Variants in CARNMT1 observed in about 807,000 individuals in gnomAD.
The protein encoded by CARNMT1 is carnosine N-methyltransferase 1.
CARNMT1 carries 28 observed loss-of-function variants against 49.6 expected under a neutral mutation model. The observed-to-expected ratio is 0.56, with a 90% CI of 0.42 to 0.77. CARNMT1 has a LOEUF of 0.77. CARNMT1 is among the 30% of genes least tolerant of loss of function. The pLI is 0.00. For missense variants in CARNMT1, 421 were observed against 512.6 expected (o/e 0.82, Z 1.73); for synonymous variants, 178 against 175.0 (o/e 1.02, Z -0.13).
chr9:74,985,053 C>G, intron 6 of CARNMT1, 43 bp from the exon 7 acceptor site: 8 of 1,359,600 alleles, frequency 5.9e-6, no homozygotes, highest in Non-Finnish European at 8.4e-6. Flanking sequence ...TATAAACATA[C>G]ACTCATAGCT....
At chr9:75,020,135 A>G (rs375480241) in intron 1 of CARNMT1, among the ~76,000 whole-genome samples, 15 of 152,168 alleles carry the variant, frequency 9.9e-5, no homozygotes, top group Admixed American at 2.6e-4. Context: ...TAGGTGATTT[A>G]TAAGTGTTCA....
In CARNMT1 at chr9:75,016,208, T is replaced by C. The variant is rs962941520; in HGVS notation, c.590+60A>G. 4 of 1,271,138 alleles carry C rather than the reference T, an allele frequency of 3.1e-6. No homozygotes were observed. The Admixed American group carries it at 7.9e-5, about 25-fold the overall frequency. 78.7% of individuals were successfully genotyped at this position (1,271,138 alleles called of 1,614,324 possible). Reference sequence around the variant, plus strand: ...TGAAGCGAGACTGTGAAACATTTTATCAAGAAACTCAAGTGTTCATACACT... The same window carrying C: ...TGAAGCGAGACTGTGAAACATTTTACCAAGAAACTCAAGTGTTCATACACT... On this transcript the variant is annotated intron_variant, in intron 3 of 7. Coordinates refer to ENST00000376834, the MANE Select transcript of CARNMT1 (RefSeq NM_152420.3).
chr9:74,995,138 T>C (rs1833148770), intron 6 of CARNMT1, among the ~76,000 whole-genome samples: 1 of 152,140 alleles, frequency 6.6e-6, no homozygotes, highest in Non-Finnish European at 1.5e-5. Flanking sequence ...AACTCAGTAA[T>C]GGGGGTCAAA....
intron 3 of CARNMT1, among the ~76,000 whole-genome samples, chr9:75,014,901 A>AT (rs1166309615): frequency 6.6e-6 from 1 of 152,038 alleles, no homozygotes; most frequent in Non-Finnish European, 1.5e-5. Context: ...AAAGAGAGAG[A>AT]AGAGACACAT....
At chr9:75,018,539 TG>T (rs1833915476) in intron 1 of CARNMT1, among the ~76,000 whole-genome samples, 1 of 152,188 alleles carries the variant, frequency 6.6e-6, no homozygotes, top group South Asian at 2.1e-4. Context: ...GCAACCACTT[TG>T]GAAAATTAAA....
intron 1 of CARNMT1, among the ~76,000 whole-genome samples, chr9:75,019,824 G>C (rs758530323): frequency 1.3e-5 from 2 of 152,170 alleles, no homozygotes; most frequent in Non-Finnish European, 2.9e-5. Flanking sequence ...CACTTTGTCA[G>C]GGTTGTTTGA....
intron 5 of CARNMT1, 34 bp downstream of exon 5, chr9:74,998,564 G>T (rs1833263892): frequency 6.7e-7 from 1 of 1,483,530 alleles, no homozygotes; most frequent in Middle Eastern, 1.8e-4. Flanking sequence ...TAGAATAAAG[G>T]ACAAGACTTT....
rs1587646626 is a variant in CARNMT1 at position 74,981,560 on chromosome 9, C to T, written c.*2207G>A. The T allele has an allele frequency of 6.6e-6, 1 of 151,822 alleles. No individual in the cohort carries two copies. Among genetic ancestry groups the T allele is most frequent in the African/African-American group, 2.4e-5 (1 of 41,356 alleles). The allele number at this position is 151,822 out of a possible 1,614,324, so 9.4% of individuals were successfully genotyped here. ...AGAAGTGATGCAAATTTGTATAGAA[C>T]ATTTAAAAAACAATATTCATGATAT... On this transcript the variant is annotated 3_prime_UTR_variant, in exon 8 of 8. Transcript: ENST00000376834.
At chr9:74,993,829 C>A (rs148133177) in intron 6 of CARNMT1, among the ~76,000 whole-genome samples, 2 of 152,046 alleles carry the variant, frequency 1.3e-5, no homozygotes, top group Non-Finnish European at 2.9e-5. Context: ...AAACCACAAT[C>A]GAGAAACCCT....
At chr9:74,984,855 TGTTGA>T in intron 7 of CARNMT1, 47 bp downstream of exon 7, 1 of 1,168,612 alleles carries the variant, frequency 8.6e-7, no homozygotes, top group South Asian at 1.2e-5. Context: ...TCAACACTTC[TGTTGA>T]GGTGCTTTGG....
At chr9:74,988,072 T>A (rs553647888) in intron 6 of CARNMT1, among the ~76,000 whole-genome samples, 5 of 152,242 alleles carry the variant, frequency 3.3e-5, no homozygotes, top group South Asian at 4.1e-4. Flanking sequence ...TTTTCTTTTT[T>A]AATTTTTAAT....
chr9:75,002,417 T>C (rs1833387664), intron 3 of CARNMT1, among the ~76,000 whole-genome samples: 1 of 152,212 alleles, frequency 6.6e-6, no homozygotes, highest in Non-Finnish European at 1.5e-5. Flanking sequence ...TACAGTACAG[T>C]AAAAGCCACT....
intron 6 of CARNMT1, among the ~76,000 whole-genome samples, chr9:74,987,811 A>G (rs187940176): frequency 2.0e-5 from 3 of 152,190 alleles, no homozygotes; most frequent in African/African-American, 7.2e-5. Context: ...TAAAAAAAAA[A>G]CACAACAAGA....
intron 6 of CARNMT1, chr9:74,991,135 G>T (rs549576097): frequency 2.6e-5 from 4 of 151,982 alleles, no homozygotes; most frequent in Non-Finnish European, 5.9e-5. Context: ...TCAAACCTTG[G>T]TAAGTTTTTT....
rs879672844 is a variant in CARNMT1 at position 75,001,125 on chromosome 9, ATTT to A, written c.591-1258_591-1256del. 4.6e-5 allele frequency among the ~76,000 whole-genome samples: 7 copies of A among 150,892 alleles called. No homozygotes were observed. In the East Asian group the frequency reaches 9.7e-4, roughly 21 times the overall value. ...AGCAAGTGGCTGTTCTCAGTTTAGA[ATTT>A]TTTTTTTAATTATCTGATCAAACTC... On this transcript the variant is annotated intron_variant, in intron 3 of 7. Transcript: ENST00000376834.
intron 3 of CARNMT1, among the ~76,000 whole-genome samples, chr9:75,009,557 T>G (rs1456870629): frequency 1.3e-5 from 2 of 152,182 alleles, no homozygotes; most frequent in Non-Finnish European, 2.9e-5. Flanking sequence ...AGCAGTAATA[T>G]TCCTATATTG....
At chr9:75,002,355 T>C (rs1159676130) in intron 3 of CARNMT1, among the ~76,000 whole-genome samples, 1 of 152,314 alleles carries the variant, frequency 6.6e-6, no homozygotes, top group Admixed American at 6.5e-5. Flanking sequence ...CCCCTAGTGG[T>C]AGAAGTAAAT....
chr9:74,992,899 G>A (rs548062001), intron 6 of CARNMT1, among the ~76,000 whole-genome samples: 1 of 152,088 alleles, frequency 6.6e-6, no homozygotes, highest in Non-Finnish European at 1.5e-5. Context: ...ATCCCCAAGA[G>A]GTTGATCTCT....
chr9:74,998,169 C>A (rs1401405084), intron 5 of CARNMT1, among the ~76,000 whole-genome samples: 3 of 152,184 alleles, frequency 2.0e-5, no homozygotes, highest in Admixed American at 2.0e-4. Context: ...CCCATTAAAT[C>A]TTTTCTTTCC....
Sources: gnomAD v4.1 joint callset for allele counts (sites outside exome capture counted in the v4.1 genomes callset) on GRCh38, gnomAD v4.1.1 for gene constraint, MANE v1.5 for transcripts, NCBI Gene and HGNC (gene_info 2026-07-23, HGNC 2026-07-21) for gene names.